The following ABL1 variants were observed in gnomAD, a reference collection of about 807,000 sequenced individuals.
The protein encoded by ABL1 is tyrosine-protein kinase ABL1.
A neutral mutation model predicts 94.7 loss-of-function variants in ABL1; 11 were observed. The ratio of observed to expected loss-of-function variants is 0.12; its 90% CI spans 0.07 to 0.19. ABL1 has a LOEUF of 0.19. ABL1 is among the 10% of genes least tolerant of loss of function. The probability of loss-of-function intolerance (pLI) is 1.00; values close to 1 mark genes in which losing one functional copy is unlikely to be tolerated. For synonymous variants in ABL1, 656 were observed against 622.4 expected (o/e 1.05, Z -0.80); for missense variants, 1,082 against 1,489.4 (o/e 0.73, Z 4.50).
chr9:130,885,593 G>A lies in ABL1; in HGVS notation c.3303G>A (p.Pro1101=), dbSNP rs755901300. The change falls in exon 11 of 11, where the codon CCG becomes CCA. Residue 1101 remains proline, a synonymous_variant. Coordinates refer to ENST00000318560, the MANE Select transcript of ABL1 (RefSeq NM_005157.6). ...ENNLRELQIC[P]ATAGSGPAAT... is the part of the protein sequence containing the mutation. ...ATCTCCGGGAGCTTCAGATCTGCCC[G>A]GCGACAGCAGGCAGTGGTCCAGCGG... 4.5e-5 allele frequency: 72 copies of A among 1,613,686 alleles called. No homozygotes were observed. The South Asian group carries it at 7.2e-4, about 16-fold the overall frequency.
At chr9:130,861,020 G>A (rs1000416937) in intron 3 of ABL1, among the ~76,000 whole-genome samples, 3 of 152,196 alleles carry the variant, frequency 2.0e-5, no homozygotes, top group Non-Finnish European at 4.4e-5. Context: ...GTGCACGTTC[G>A]TGGGTCTGAG....
intron 6 of ABL1, among the ~76,000 whole-genome samples, chr9:130,873,458 G>T (rs1047945355): frequency 6.6e-6 from 1 of 152,194 alleles, no homozygotes; most frequent in East Asian, 1.9e-4. Flanking sequence ...TTGCTTTTAC[G>T]CAAACTCATG....
chr9:130,848,874 G>C (rs891856885), intron 1 of ABL1, among the ~76,000 whole-genome samples: 1 of 152,142 alleles, frequency 6.6e-6, no homozygotes, highest in Admixed American at 6.5e-5. Flanking sequence ...GGAAGGTGAA[G>C]GTTGCAGTGA....
chr9:130,818,157 G>A (rs1399002197), intron 1 of ABL1, among the ~76,000 whole-genome samples: 5 of 152,142 alleles, frequency 3.3e-5, no homozygotes, highest in African/African-American at 9.7e-5. Flanking sequence ...AACAGCAGAA[G>A]TTTTTGATTT....
At position 130,840,098 on chromosome 9, in the gene ABL1, T is replaced by A. The variant is rs561103257; in HGVS notation, c.79+4573T>A. ...AGCCTAGCAGAAAAGTAAGCTGTTG[T>A]TACTTTAAGCAAATATTTAGCAGCC... is the stretch of plus-strand genomic sequence containing the variant. On this transcript the variant is annotated intron_variant, in intron 1 of 10. Transcript: ENST00000318560. Among the ~76,000 whole-genome samples the A allele has an allele frequency of 2.9e-3, 440 of 152,346 alleles. 2 individuals carry two copies. Among genetic ancestry groups the A allele is most frequent in the Non-Finnish European group, 5.4e-3 (370 of 68,032 alleles).
upstream of ABL1, among the ~76,000 whole-genome samples, chr9:130,832,177 G>T (rs140924623): frequency 1.9e-3 from 277 of 146,570 alleles, no homozygotes; most frequent in African/African-American, 6.8e-3. Flanking sequence ...AGGCTGGAGT[G>T]TGGTGGTGCG....
chr9:130,883,220 G>A (rs1291492545), intron 10 of ABL1, among the ~76,000 whole-genome samples: 3 of 152,184 alleles, frequency 2.0e-5, no homozygotes, highest in Non-Finnish European at 4.4e-5. Flanking sequence ...GCTTTGGGCC[G>A]GGTGCAGTGG....
At position 130,884,068 on chromosome 9, in the gene ABL1, A is replaced by C. The variant is rs765456184; in HGVS notation, c.1778A>C (p.Lys593Thr). Residue 593 changes from lysine (K) to threonine (T), a missense_variant, in exon 11 of 11, where the codon AAA becomes ACA. By Grantham distance (78) the Lys-to-Thr change is moderately conservative. Transcript: ENST00000318560. This position sits in a 1 kb window ranked among gnomAD's most constrained non-coding sequence, Gnocchi z 5.6. ...AATGAAGATGAGCGCCTTCTCCCCA[A>C]AGACAAAAAGACCAACTTGTTCAGC... ...GLNEDERLLP[K>T]DKKTNLFSAL... 1 of 1,613,896 alleles carries C rather than the reference A, an allele frequency of 6.2e-7. No individual in the cohort carries two copies. Among genetic ancestry groups the C allele is most frequent in the Non-Finnish European group, 8.5e-7 (1 of 1,180,032 alleles).
At chr9:130,714,129 T>G in exon 1 of ABL1, 1 of 449,706 alleles carries the variant, frequency 2.2e-6, no homozygotes. Context: ...AACTCCTGCT[T>G]GCAAGTGTCA....
At chr9:130,747,213 A>G (rs959787305) in intron 1 of ABL1, among the ~76,000 whole-genome samples, 9 of 152,102 alleles carry the variant, frequency 5.9e-5, no homozygotes, top group African/African-American at 2.2e-4. Context: ...TGTCTCTACA[A>G]AAAATATTTT....
At chr9:130,817,251 C>G (rs1830299005) in intron 1 of ABL1, among the ~76,000 whole-genome samples, 1 of 152,160 alleles carries the variant, frequency 6.6e-6, no homozygotes, top group Non-Finnish European at 1.5e-5. Flanking sequence ...ATTCAAAGAC[C>G]TGTGCTAACA....
chr9:130,778,361 G>A (rs1829698187), intron 1 of ABL1, among the ~76,000 whole-genome samples: 1 of 152,082 alleles, frequency 6.6e-6, no homozygotes, highest in African/African-American at 2.4e-5. Context: ...ACCTCTCAGG[G>A]CTTTGTGTTG....
chr9:130,877,293 A>G (rs910634982), intron 7 of ABL1, among the ~76,000 whole-genome samples: 2 of 148,428 alleles, frequency 1.3e-5, no homozygotes, highest in Non-Finnish European at 3.0e-5. Context: ...TCTCTAAGGA[A>G]TCTTATCCTT....
intron 1 of ABL1, among the ~76,000 whole-genome samples, chr9:130,764,179 C>T (rs750409149): frequency 1.3e-5 from 2 of 152,134 alleles, no homozygotes; most frequent in African/African-American, 2.4e-5. Flanking sequence ...GGCCAGGACA[C>T]ACACATCACT....
intron 1 of ABL1, among the ~76,000 whole-genome samples, chr9:130,838,513 A>C (rs1246251708): frequency 1.9e-4 from 29 of 152,202 alleles, no homozygotes; most frequent in Admixed American, 1.9e-3. Flanking sequence ...TTCCCCACCT[A>C]GAGGCAATCA....
At chr9:130,868,858 A>G (rs1341049111) in intron 4 of ABL1, among the ~76,000 whole-genome samples, 3 of 152,162 alleles carry the variant, frequency 2.0e-5, no homozygotes, top group East Asian at 3.9e-4. Context: ...AGCAAAAAGG[A>G]GGAAACTGAT....
chr9:130,733,437 A>C (rs1384907221), intron 1 of ABL1, among the ~76,000 whole-genome samples: 4 of 152,146 alleles, frequency 2.6e-5, no homozygotes, highest in Middle Eastern at 3.2e-3. Flanking sequence ...AAGTTAAAAA[A>C]AAATTTTTTT....
intron 4 of ABL1, among the ~76,000 whole-genome samples, chr9:130,866,259 C>A (rs552972976): frequency 1.3e-5 from 2 of 152,188 alleles, no homozygotes; most frequent in Non-Finnish European, 2.9e-5. Context: ...AGCTCCAAAG[C>A]TCAGCTCTTC....
chr9:130,727,940 T>C (rs1286244563), intron 1 of ABL1, among the ~76,000 whole-genome samples: 2 of 151,644 alleles, frequency 1.3e-5, no homozygotes, highest in African/African-American at 4.9e-5. Context: ...CTTTGAAAAA[T>C]ATTATTGATC....
Sources: allele counts gnomAD v4.1 joint callset (sites outside exome capture counted in the v4.1 genomes callset), GRCh38; gene constraint gnomAD v4.1.1; non-coding constraint Gnocchi (gnomAD v3.1); transcripts MANE v1.5; gene names NCBI Gene and HGNC (gene_info 2026-07-23, HGNC 2026-07-21).